Variants in PCDH11Y observed in about 807,000 individuals in gnomAD.
PCDH11Y encodes the protein protocadherin 11 Y-linked.
For missense variants in PCDH11Y, 12 were observed against 224.8 expected, an observed-to-expected ratio of 0.05 and a Z score of 6.05; for synonymous variants, 9 against 83.6, an observed-to-expected ratio of 0.11 and a Z score of 4.87.
At chrY:5,494,876 G>A (rs2053342691) in intron 2 of PCDH11Y, among the ~76,000 whole-genome samples, 1 of 30,928 alleles carries the variant, frequency 3.2e-5, no homozygotes, top group African/African-American at 1.3e-4. Context: ...GTGAAACCCC[G>A]TCTCTACTAA....
chrY:5,219,449 G>A, intron 2 of PCDH11Y, among the ~76,000 whole-genome samples: 1 of 33,043 alleles, frequency 3.0e-5, no homozygotes, highest in Non-Finnish European at 7.5e-5. Flanking sequence ...GTTTTAATTT[G>A]CATTTCCCTA....
intron 2 of PCDH11Y, among the ~76,000 whole-genome samples, chrY:5,123,431 T>G: frequency 6.2e-5 from 2 of 32,040 alleles, no homozygotes; most frequent in African/African-American, 2.4e-4. Flanking sequence ...TTTCAGCAAT[T>G]TGCTCAAGCT....
chrY:5,736,700 C>T, intron 4 of PCDH11Y, among the ~76,000 whole-genome samples: 1 of 32,577 alleles, frequency 3.1e-5, no homozygotes, highest in African/African-American at 1.2e-4. Flanking sequence ...ATGTTCCTAA[C>T]TTGTATTTTA....
chrY:5,432,212 T>C, intron 2 of PCDH11Y, among the ~76,000 whole-genome samples: 6 of 33,293 alleles, frequency 1.8e-4, no homozygotes, highest in African/African-American at 4.7e-4. Context: ...TAATGCCATA[T>C]TAATTTGTTC....
chrY:5,384,725 A>C (rs2053209438), intron 2 of PCDH11Y, among the ~76,000 whole-genome samples: 1 of 30,620 alleles, frequency 3.3e-5, no homozygotes, highest in African/African-American at 1.3e-4. Context: ...ATGAGTGCTG[A>C]ACAGTTGTTT....
intron 2 of PCDH11Y, among the ~76,000 whole-genome samples, chrY:5,425,439 G>A: frequency 6.2e-5 from 2 of 32,440 alleles, no homozygotes; most frequent in East Asian, 8.2e-4. Context: ...GATACCAATC[G>A]TTCGATGATT....
At chrY:5,298,680 C>A in intron 2 of PCDH11Y, among the ~76,000 whole-genome samples, 2 of 33,441 alleles carry the variant, frequency 6.0e-5, no homozygotes, top group Non-Finnish European at 1.5e-4. Flanking sequence ...TTATAATAAT[C>A]TGAATTAGAA....
At chrY:5,575,313 A>G in intron 3 of PCDH11Y, among the ~76,000 whole-genome samples, 1 of 32,825 alleles carries the variant, frequency 3.0e-5, no homozygotes, top group Admixed American at 2.8e-4. Context: ...TAACCAGAAT[A>G]TATGAGGAGC....
intron 2 of PCDH11Y, among the ~76,000 whole-genome samples, chrY:5,300,899 G>A: frequency 2.9e-5 from 1 of 34,388 alleles, no homozygotes; most frequent in African/African-American, 1.1e-4. Context: ...AGAGACCACA[G>A]CAATTTTTTG....
intron 2 of PCDH11Y, among the ~76,000 whole-genome samples, chrY:5,474,554 C>A (rs2124685027): frequency 3.1e-5 from 1 of 31,905 alleles, no homozygotes; most frequent in African/African-American, 1.2e-4. Flanking sequence ...TAGTACCATA[C>A]CATTTTGATT....
intron 2 of PCDH11Y, among the ~76,000 whole-genome samples, chrY:5,185,589 T>C: frequency 3.5e-5 from 1 of 28,349 alleles, no homozygotes; most frequent in Non-Finnish European, 8.2e-5. Flanking sequence ...CTGTATTCTG[T>C]TCTATCAGTT....
intron 2 of PCDH11Y, among the ~76,000 whole-genome samples, chrY:5,124,012 T>C: frequency 6.1e-5 from 2 of 32,931 alleles, no homozygotes; most frequent in African/African-American, 2.4e-4. Flanking sequence ...CTAGAGTAAA[T>C]TGGGAAAGAC....
At chrY:5,442,663 A>G in intron 2 of PCDH11Y, among the ~76,000 whole-genome samples, 1 of 32,545 alleles carries the variant, frequency 3.1e-5, no homozygotes, top group Non-Finnish European at 7.6e-5. Context: ...GAGAAAATTA[A>G]TAACATTGGT....
chrY:5,344,634 T>A (rs2124669446), intron 2 of PCDH11Y, among the ~76,000 whole-genome samples: 1 of 33,836 alleles, frequency 3.0e-5, no homozygotes, highest in East Asian at 7.7e-4. Context: ...AGTTGATGAC[T>A]TGTAGAATGG....
intron 2 of PCDH11Y, among the ~76,000 whole-genome samples, chrY:5,464,105 A>G (rs2053306149): frequency 3.1e-5 from 1 of 32,383 alleles, no homozygotes; most frequent in Non-Finnish European, 7.5e-5. Flanking sequence ...AAGCATCTGT[A>G]CTCTTTCCTG....
intron 4 of PCDH11Y, among the ~76,000 whole-genome samples, chrY:5,704,296 C>T: frequency 3.0e-5 from 1 of 32,817 alleles, no homozygotes; most frequent in Non-Finnish European, 7.5e-5. Flanking sequence ...AATCCGATCA[C>T]CTCCCACCAG....
chrY:5,496,664 T>C, intron 2 of PCDH11Y, among the ~76,000 whole-genome samples: 1 of 31,877 alleles, frequency 3.1e-5, no homozygotes, highest in Non-Finnish European at 7.6e-5. Context: ...TTTTTAATTA[T>C]ACTTAAGTTT....
intron 4 of PCDH11Y, among the ~76,000 whole-genome samples, chrY:5,586,915 GT>G (rs2053456859): frequency 3.1e-5 from 1 of 32,581 alleles, no homozygotes; most frequent in Admixed American, 2.8e-4. Context: ...TGATTTATTT[GT>G]TTTGATTTCA....
At chrY:5,016,439 G>A in intron 1 of PCDH11Y, among the ~76,000 whole-genome samples, 1 of 32,030 alleles carries the variant, frequency 3.1e-5, no homozygotes, top group Non-Finnish European at 7.6e-5. Flanking sequence ...GCCCAAAATA[G>A]TCCAGTGTTA....
Sources: allele counts gnomAD v4.1 joint callset (sites outside exome capture counted in the v4.1 genomes callset), GRCh38; gene constraint gnomAD v4.1.1; transcripts MANE v1.5; gene names NCBI Gene and HGNC (gene_info 2026-07-23, HGNC 2026-07-21).